The following OR52A5 variants were observed in gnomAD, a reference collection of about 807,000 sequenced individuals.
OR52A5 encodes the protein olfactory receptor family 52 subfamily A member 5.
Under a neutral mutation model 18.2 loss-of-function variants are expected in OR52A5, and 16 were observed. The observed-to-expected ratio is 0.88, with a 90% CI of 0.60 to 1.34. OR52A5 has a LOEUF of 1.34. Ranked by LOEUF, OR52A5 falls within the 40% of genes most tolerant of loss-of-function variation. The pLI is 0.00. For synonymous variants in OR52A5, 140 were observed against 137.2 expected, an observed-to-expected ratio of 1.02 and a Z score of -0.14; for missense variants, 418 against 383.0, an observed-to-expected ratio of 1.09 and a Z score of -0.76.
Position 5,132,419 on chromosome 11 carries a change from A to C in OR52A5, c.224T>G (p.Leu75Arg). 1 of 1,614,218 alleles carries C rather than the reference A, an allele frequency of 6.2e-7. No individual in the cohort carries two copies. Among genetic ancestry groups the C allele is most frequent in the East Asian group, 2.2e-5 (1 of 44,886 alleles). The change falls in exon 2 of 2, where the codon CTT becomes CGT. Residue 75 changes from leucine to arginine, a missense_variant. By Grantham distance (102) the Leu-to-Arg change is moderately radical (BLOSUM62 -2). Transcript: ENST00000307388. ...LAMLAATDIALNTCILPKMLG... is the reference protein window; with the variant it reads ...LAMLAATDIARNTCILPKMLG... ...CATTTTGGGAAGAATGCAGGTGTTA[A>C]GTGCAATGTCTGTGGCTGCCAACAT...
At chr11:5,134,510 T>G (rs1488506250) in intron 1 of OR52A5, among the ~76,000 whole-genome samples, 1 of 152,312 alleles carries the variant, frequency 6.6e-6, no homozygotes, top group South Asian at 2.1e-4. Flanking sequence ...AAAGATTTAT[T>G]AAGTATCCAC....
rs760733771 is a variant in OR52A5 at position 5,132,626 on chromosome 11, C to A, written c.17G>T (p.Gly6Val). MPTFN[G>V]SVFMPSAFIL... is the part of the protein sequence containing the mutation. ...AAACGCAGAGGGCATGAAGACTGAG[C>A]CATTGAATGTCGGCATGATTTGTTC... Residue 6 changes from glycine to valine, a missense_variant, in exon 2 of 2, where the codon GGC (glycine) becomes GTC (valine). Coordinates refer to ENST00000307388, the MANE Select transcript of OR52A5 (RefSeq NM_001005160.3). The A allele has an allele frequency of 6.3e-7, 1 of 1,590,724 alleles. No homozygotes were observed. The highest frequency in any genetic ancestry group is 8.6e-7 in the Non-Finnish European group (1 of 1,167,826).
chr11:5,134,162 A>G (rs1446937972), intron 1 of OR52A5, among the ~76,000 whole-genome samples: 2 of 152,196 alleles, frequency 1.3e-5, no homozygotes, highest in Non-Finnish European at 2.9e-5. Context: ...TGCATCACAA[A>G]ATATGTGAAA....
rs1409160957 is a variant in OR52A5 at position 5,130,794 on chromosome 11, T to C, written c.*898A>G. The C allele has an allele frequency of 6.6e-6, 1 of 152,130 alleles. No individual in the cohort carries two copies. 9.4% of individuals were successfully genotyped at this position (152,130 alleles called of 1,614,324 possible). A position where few individuals can be genotyped will look rare whatever the true frequency, so the allele number is the denominator to read the frequency against. On this transcript the variant is annotated 3_prime_UTR_variant, in exon 2 of 2. Transcript: ENST00000307388. The stretch of plus-strand genomic sequence containing the variant: ...AAAATTAGTGATTCAGATGACTCTG[T>C]CAACTTGATTCTTAAGGAAAAAAAA...
intron 1 of OR52A5, among the ~76,000 whole-genome samples, chr11:5,136,450 T>C (rs1354956285): frequency 6.6e-6 from 1 of 152,224 alleles, no homozygotes; most frequent in Non-Finnish European, 1.5e-5. Context: ...TCCTATCCAT[T>C]GAATGCCAGT....
chr11:5,135,559 A>G (rs2133525831), intron 1 of OR52A5, among the ~76,000 whole-genome samples: 1 of 152,270 alleles, frequency 6.6e-6, no homozygotes, highest in South Asian at 2.1e-4. Flanking sequence ...GCCCCATTAC[A>G]TCTCTCCAGC....
Position 5,131,827 on chromosome 11 carries a change from T to G in OR52A5, c.816A>C (p.Pro272=). 6.2e-7 allele frequency: 1 copy of G among 1,614,014 alleles called. No homozygotes were observed. The highest frequency in any genetic ancestry group is 1.7e-5 in the Admixed American group (1 of 60,018). The change falls in exon 2 of 2, where the codon CCA becomes CCC. Residue 272 remains proline (P), a synonymous_variant. Coordinates refer to ENST00000307388, the MANE Select transcript of OR52A5 (RefSeq NM_001005160.3). The part of the protein sequence containing the change: ...FFTHRFGSHI[P]PYIHILLSNL... ...TTGACAAGAGGATATGAATATATGG[T>G]GGTATGTGTGAACCAAACCTGTGTG...
intron 1 of OR52A5, among the ~76,000 whole-genome samples, chr11:5,135,953 T>A (rs1288304992): frequency 6.6e-6 from 1 of 152,174 alleles, no homozygotes; most frequent in Non-Finnish European, 1.5e-5. Flanking sequence ...TCTTACAGAG[T>A]TTGACTCTTT....
In OR52A5 at chr11:5,131,840, C is replaced by T. The variant is rs1299672343; in HGVS notation, c.803G>A (p.Gly268Asp). Reference protein sequence around the residue: ...AFFSFFTHRFGSHIPPYIHIL... With the variant: ...AFFSFFTHRFDSHIPPYIHIL... Reference sequence around the variant, plus strand: ...ATGAATATATGGTGGTATGTGTGAACCAAACCTGTGTGTGAAGAAAGAGAA... The same window carrying T: ...ATGAATATATGGTGGTATGTGTGAATCAAACCTGTGTGTGAAGAAAGAGAA... Residue 268 changes from glycine (G) to aspartate (D), a missense_variant, in exon 2 of 2, where the codon GGT becomes GAT. Gly to Asp is a moderately conservative substitution (Grantham distance 94). Coordinates refer to ENST00000307388, the MANE Select transcript of OR52A5 (RefSeq NM_001005160.3). 6 of 1,613,896 alleles carry T rather than the reference C, an allele frequency of 3.7e-6. No homozygotes were observed. The African/African-American group carries it at 4.0e-5, about 11-fold the overall frequency.
chr11:5,132,565 C>T lies in OR52A5; in HGVS notation c.78G>A (p.Gln26=). 1 of 1,614,016 alleles carries T rather than the reference C, an allele frequency of 6.2e-7. No homozygotes were observed. Among genetic ancestry groups the T allele is most frequent in the South Asian group, 1.1e-5 (1 of 91,074 alleles). ...LIGIPGLESV[Q]CWIGIPFSAM... is the part of the protein sequence containing the mutation. ...CAGAGAAAGGAATCCCAATCCAACA[C>T]TGCACTGACTCCAGACCAGGAATCC... is the stretch of plus-strand genomic sequence containing the variant. Residue 26 remains glutamine, a synonymous_variant, in exon 2 of 2, where the codon CAG becomes CAA. Transcript: ENST00000307388.
intron 1 of OR52A5, among the ~76,000 whole-genome samples, chr11:5,135,339 G>A (rs962451987): frequency 6.6e-6 from 1 of 152,098 alleles, no homozygotes; most frequent in Admixed American, 6.5e-5. Context: ...TATCACATAG[G>A]TATAGGACGC....
Position 5,132,130 on chromosome 11 carries a change from G to C in OR52A5, c.513C>G (p.His171Gln), listed in dbSNP as rs1400311360. The change falls in exon 2 of 2, where the codon CAC (histidine) becomes CAG (glutamine). Residue 171 changes from histidine (H) to glutamine (Q), a missense_variant. By Grantham distance (24) the His-to-Gln change is conservative. Transcript: ENST00000307388. ...AGTGAGAGATGACTGTAGTTCGATAGTGTTTCAGACAGCATTTGATGAGCC... is the reference window on the plus strand; with the variant it reads ...AGTGAGAGATGACTGTAGTTCGATACTGTTTCAGACAGCATTTGATGAGCC... ...SLGLIKCCLK[H>Q]YRTTVISHSY... 3 of 1,614,202 alleles carry C rather than the reference G, an allele frequency of 1.9e-6. No homozygotes were observed. The highest frequency in any genetic ancestry group is 3.3e-5 in the Admixed American group (2 of 60,024).
rs1846336572 is a variant in OR52A5 at position 5,131,482 on chromosome 11, A to C, written c.*210T>G. On this transcript the variant is annotated 3_prime_UTR_variant, in exon 2 of 2. Transcript: ENST00000307388. ...CTGATTTCATATTATTTTTATATTG[A>C]TAAGTATTTCAGATAAAGTAAATAA... 2.8e-6 allele frequency: 1 copy of C among 360,962 alleles called. No individual in the cohort carries two copies. Among genetic ancestry groups the C allele is most frequent in the Non-Finnish European group, 5.0e-6 (1 of 198,148 alleles). The allele number at this position is 360,962 out of a possible 1,614,324, so 22.4% of individuals were successfully genotyped here. A position where few individuals can be genotyped will look rare whatever the true frequency, so the allele number is the denominator to read the frequency against.
rs189845459 is a variant in OR52A5 at position 5,133,784 on chromosome 11, C to T, written c.-60-1082G>A. Among the ~76,000 whole-genome samples the T allele has an allele frequency of 2.3e-4, 35 of 152,208 alleles. No homozygotes were observed. In the East Asian group the frequency reaches 2.3e-3, roughly 10 times the overall value. ...ATTACCTAGAAATAGGCATTGTTAC[C>T]TCCCTAAGCCTGAACCATCATCTCT... On this transcript the variant is annotated intron_variant, in intron 1 of 1. Transcript: ENST00000307388.
chr11:5,135,037 G>A (rs922120852), intron 1 of OR52A5, among the ~76,000 whole-genome samples: 1 of 151,902 alleles, frequency 6.6e-6, no homozygotes, highest in Non-Finnish European at 1.5e-5. Flanking sequence ...ACCATGCCTG[G>A]CTAATTTTTT....
chr11:5,133,382 A>G (rs1036373756), intron 1 of OR52A5, among the ~76,000 whole-genome samples: 3 of 150,104 alleles, frequency 2.0e-5, no homozygotes, highest in Admixed American at 6.6e-5. Flanking sequence ...AAAAAAAAAA[A>G]AAAAAGAAAG....
In OR52A5 at chr11:5,133,183, C is replaced by T. The variant is rs187205836; in HGVS notation, c.-60-481G>A. Among the ~76,000 whole-genome samples the T allele has an allele frequency of 7.0e-4, 107 of 151,882 alleles. 1 individual carries two copies. The highest frequency in any genetic ancestry group is 2.6e-3 in the African/African-American group (106 of 41,446). ...AGGAGATCGAGACCATCCTGGCTAA[C>T]ACGGTGAAACCCCATCTCTACTAAA... On this transcript the variant is annotated intron_variant, in intron 1 of 1. Coordinates refer to ENST00000307388, the MANE Select transcript of OR52A5 (RefSeq NM_001005160.3).
At chr11:5,135,196 A>G (rs1394538425) in intron 1 of OR52A5, among the ~76,000 whole-genome samples, 1 of 152,224 alleles carries the variant, frequency 6.6e-6, no homozygotes, top group Non-Finnish European at 1.5e-5. Context: ...ATATAATCCA[A>G]TAAATAAGGA....
chr11:5,133,850 T>C (rs76013238), intron 1 of OR52A5, among the ~76,000 whole-genome samples: 4,938 of 152,242 alleles, frequency 0.032, 149 homozygotes, highest in South Asian at 0.11. Flanking sequence ...CTAAGAAATA[T>C]TATAATTTTT....
Sources: allele counts gnomAD v4.1 joint callset (sites outside exome capture counted in the v4.1 genomes callset), GRCh38; gene constraint gnomAD v4.1.1; transcripts MANE v1.5; gene names NCBI Gene and HGNC (gene_info 2026-07-23, HGNC 2026-07-21).